Variants in KHDRBS2 observed in about 807,000 individuals in gnomAD.
KHDRBS2 encodes KH domain-containing, RNA-binding, signal transduction-associated protein 2.
A neutral mutation model predicts 44.3 loss-of-function variants in KHDRBS2; 26 were observed. The ratio of observed to expected loss-of-function variants is 0.59; its 90% CI spans 0.43 to 0.81. KHDRBS2 has a LOEUF of 0.81. KHDRBS2 is among the 40% of genes least tolerant of loss of function. The pLI is 0.00. For missense variants in KHDRBS2, 476 were observed against 433.1 expected (o/e 1.10, Z -0.88); for synonymous variants, 194 against 151.1 (o/e 1.28, Z -2.08).
rs113346036 is a variant in KHDRBS2 at position 62,058,522 on chromosome 6, AC to A, written c.220-10529del. Reference sequence around the variant, plus strand: ...TATCCTTGTGTTTGTTGCCATTAAAACAAATTAAAGCAATCTAGGGCAGATT... The same window carrying A: ...TATCCTTGTGTTTGTTGCCATTAAAAAAATTAAAGCAATCTAGGGCAGATT... On this transcript the variant is annotated intron_variant, in intron 2 of 8. Transcript: ENST00000281156. 3.4e-4 allele frequency among the ~76,000 whole-genome samples: 52 copies of A among 151,982 alleles called. 1 individual carries two copies. Among genetic ancestry groups the A allele is most frequent in the African/African-American group, 1.1e-3 (44 of 41,532 alleles).
chr6:62,213,873 C>CACAAAAAA (rs1829526968), intron 1 of KHDRBS2, among the ~76,000 whole-genome samples: 1 of 41,488 alleles, frequency 2.4e-5, no homozygotes, highest in African/African-American at 9.2e-5. Context: ...GACTCCATCT[C>CACAAAAAA]AAAAAAAAAA....
intron 1 of KHDRBS2, among the ~76,000 whole-genome samples, chr6:62,198,185 A>T (rs978124421): frequency 3.3e-5 from 5 of 152,174 alleles, no homozygotes; most frequent in African/African-American, 1.2e-4. Context: ...GAACTAGAGA[A>T]GCAAGAGCAA....
intron 1 of KHDRBS2, among the ~76,000 whole-genome samples, chr6:62,182,676 G>T (rs554961193): frequency 5.3e-5 from 8 of 151,734 alleles, no homozygotes; most frequent in African/African-American, 1.9e-4. Context: ...TTGTTATTTT[G>T]TTTTGTTTTA....
the KHDRBS2 span, among the ~76,000 whole-genome samples, chr6:61,544,756 AATG>A: frequency 3.9e-5 from 6 of 152,104 alleles, no homozygotes; most frequent in African/African-American, 1.4e-4. Context: ...AGCCATAAAA[AATG>A]ATGAGTTTGT....
chr6:61,931,059 A>G (rs1809947837), intron 4 of KHDRBS2, among the ~76,000 whole-genome samples: 1 of 152,076 alleles, frequency 6.6e-6, no homozygotes, highest in South Asian at 2.1e-4. Context: ...TCAACAAAAA[A>G]TTCAATCATA....
the KHDRBS2 span, among the ~76,000 whole-genome samples, chr6:61,667,449 A>T: frequency 6.6e-6 from 1 of 151,432 alleles, no homozygotes; most frequent in Admixed American, 6.6e-5. Flanking sequence ...ACCAGAAAAG[A>T]TGGAAGCATA....
At chr6:62,193,921 T>C (rs1825107830) in intron 1 of KHDRBS2, among the ~76,000 whole-genome samples, 1 of 152,128 alleles carries the variant, frequency 6.6e-6, no homozygotes, top group Admixed American at 6.6e-5. Flanking sequence ...TTTAACTGAA[T>C]TATTTGTCAT....
intron 8 of KHDRBS2, among the ~76,000 whole-genome samples, chr6:61,689,184 C>T (rs1221591862): frequency 1.3e-5 from 2 of 151,924 alleles, no homozygotes; most frequent in Non-Finnish European, 2.9e-5. Context: ...TGTGACCCAG[C>T]AGCTGTCAGA....
intron 4 of KHDRBS2, among the ~76,000 whole-genome samples, chr6:61,935,077 T>A (rs1168780297): frequency 6.6e-6 from 1 of 151,964 alleles, no homozygotes; most frequent in Non-Finnish European, 1.5e-5. Flanking sequence ...TGAAGGGGAG[T>A]CAAACTTGTA....
chr6:62,167,992 G>T (rs1225945605), intron 2 of KHDRBS2, among the ~76,000 whole-genome samples: 1 of 152,178 alleles, frequency 6.6e-6, no homozygotes, highest in Non-Finnish European at 1.5e-5. Context: ...CGCACACTCT[G>T]TGGGAAGACA....
chr6:61,831,814 C>A (rs945838211), intron 6 of KHDRBS2, among the ~76,000 whole-genome samples: 17 of 151,934 alleles, frequency 1.1e-4, no homozygotes, highest in African/African-American at 4.1e-4. Context: ...ACTTAAGGAA[C>A]AATTTAATTA....
Position 62,024,702 on chromosome 6 carries a change from G to A in KHDRBS2, c.336+23176C>T, listed in dbSNP as rs1252644709. 5.3e-5 allele frequency among the ~76,000 whole-genome samples: 8 copies of A among 151,396 alleles called. No homozygotes were observed. In the East Asian group the frequency reaches 1.5e-3, roughly 29 times the overall value. On this transcript the variant is annotated intron_variant, in intron 3 of 8. Transcript: ENST00000281156. ...TCTTTATCATTGTCTTGAATTGTTT[G>A]TCAAGGAATCTAATTTATCTGGGCT...
At chr6:61,726,142 A>G (rs2127558064) in intron 7 of KHDRBS2, among the ~76,000 whole-genome samples, 1 of 152,288 alleles carries the variant, frequency 6.6e-6, no homozygotes, top group African/African-American at 2.4e-5. Context: ...GGTTGGTTCA[A>G]CATACAGATA....
At chr6:61,953,867 T>C (rs1228000962) in intron 4 of KHDRBS2, among the ~76,000 whole-genome samples, 2 of 151,994 alleles carry the variant, frequency 1.3e-5, no homozygotes, top group Non-Finnish European at 2.9e-5. Flanking sequence ...CAAATAAACC[T>C]AAACAAGATA....
the KHDRBS2 span, among the ~76,000 whole-genome samples, chr6:61,552,296 T>G: frequency 6.6e-6 from 1 of 152,108 alleles, no homozygotes; most frequent in East Asian, 1.9e-4. Context: ...ATTGCATTTT[T>G]GATTTGGCTG....
intron 6 of KHDRBS2, among the ~76,000 whole-genome samples, chr6:61,772,917 T>A (rs1464920503): frequency 6.6e-6 from 1 of 152,144 alleles, no homozygotes; most frequent in Non-Finnish European, 1.5e-5. Context: ...TGCGATAGTT[T>A]ACTGAGAATG....
chr6:62,147,245 G>A (rs939259998), intron 2 of KHDRBS2, among the ~76,000 whole-genome samples: 3 of 151,842 alleles, frequency 2.0e-5, no homozygotes, highest in Non-Finnish European at 4.4e-5. Flanking sequence ...AAGGACTTTG[G>A]AGATGGCCCA....
At chr6:61,824,773 T>A (rs1365536323) in intron 6 of KHDRBS2, among the ~76,000 whole-genome samples, 6 of 152,196 alleles carry the variant, frequency 3.9e-5, no homozygotes, top group Non-Finnish European at 8.8e-5. Flanking sequence ...CAGTATAATA[T>A]GGTCAAATTC....
chr6:62,253,190 T>C (rs1389028111), intron 1 of KHDRBS2, among the ~76,000 whole-genome samples: 1 of 152,082 alleles, frequency 6.6e-6, no homozygotes, highest in Non-Finnish European at 1.5e-5. Context: ...GAGTATCTTT[T>C]ATTTCTGCAA....
Sources: gnomAD v4.1 joint callset for allele counts (sites outside exome capture counted in the v4.1 genomes callset) on GRCh38, gnomAD v4.1.1 for gene constraint, MANE v1.5 for transcripts, NCBI Gene and HGNC (gene_info 2026-07-23, HGNC 2026-07-21) for gene names.